DLGAP2: variants seen among roughly 807,000 people sequenced by gnomAD.
The protein encoded by DLGAP2 is DLG associated protein 2.
A neutral mutation model predicts 100.3 loss-of-function variants in DLGAP2; 26 were observed. The ratio of observed to expected loss-of-function variants is 0.26; its 90% CI spans 0.19 to 0.36. The LOEUF is 0.36. Ranked by LOEUF, DLGAP2 falls within the 10% of genes least tolerant of loss-of-function variation. The pLI, the probability that DLGAP2 is intolerant of heterozygous loss-of-function variation, is 1.00. For synonymous variants in DLGAP2, 886 were observed against 630.1 expected (o/e 1.41, Z -6.08); for missense variants, 1,858 against 1,453.2 (o/e 1.28, Z -4.53).
intron 2 of DLGAP2, among the ~76,000 whole-genome samples, chr8:1,189,999 C>G (rs1797598697): frequency 6.6e-6 from 1 of 152,106 alleles, no homozygotes. Context: ...AAAGGAGAAC[C>G]CCCGTTTTCT....
chr8:1,464,717 T>C (rs1280895317), intron 3 of DLGAP2, among the ~76,000 whole-genome samples: 1 of 152,194 alleles, frequency 6.6e-6, no homozygotes, highest in Non-Finnish European at 1.5e-5. Flanking sequence ...TTCTCCATGC[T>C]GAAAGTGACC....
At chr8:1,009,726 C>T (rs977879814) in intron 2 of DLGAP2, among the ~76,000 whole-genome samples, 23 of 152,286 alleles carry the variant, frequency 1.5e-4, no homozygotes, top group African/African-American at 3.9e-4. Flanking sequence ...TCACCTGCTG[C>T]GTGTGTAGAG....
At chr8:1,170,385 A>C (rs1797104193) in intron 2 of DLGAP2, among the ~76,000 whole-genome samples, 1 of 152,114 alleles carries the variant, frequency 6.6e-6, no homozygotes, top group Non-Finnish European at 1.5e-5. Context: ...TATCAGGATG[A>C]TGCTGGCCTC....
intron 4 of DLGAP2, among the ~76,000 whole-genome samples, chr8:1,517,191 C>A (rs898432952): frequency 1.4e-4 from 22 of 152,152 alleles, no homozygotes; most frequent in African/African-American, 5.3e-4. Context: ...TTCATTCTGT[C>A]TTTTGAAAGG....
At chr8:1,096,848 G>A (rs1195645421) in intron 2 of DLGAP2, among the ~76,000 whole-genome samples, 26 of 117,704 alleles carry the variant, frequency 2.2e-4, no homozygotes, top group South Asian at 6.0e-4. Flanking sequence ...CTGGGAGCCC[G>A]GGGCAGGCCT....
intron 1 of DLGAP2, among the ~76,000 whole-genome samples, chr8:882,174 C>T (rs1341666306): frequency 6.6e-6 from 1 of 152,238 alleles, no homozygotes; most frequent in Non-Finnish European, 1.5e-5. Flanking sequence ...TGAGACCCAG[C>T]TGAGGCCTGA....
intron 2 of DLGAP2, among the ~76,000 whole-genome samples, chr8:1,219,961 C>T (rs1798285001): frequency 6.6e-6 from 1 of 151,544 alleles, no homozygotes; most frequent in African/African-American, 2.4e-5. Flanking sequence ...CAGTAATATC[C>T]CCTTTGTCAT....
Position 960,940 on chromosome 8 carries a change from C to T in DLGAP2, c.73+52974C>T, listed in dbSNP as rs117571175. Among the ~76,000 whole-genome samples the T allele has an allele frequency of 1.8e-4, 28 of 152,256 alleles. No individual in the cohort carries two copies. The East Asian group carries it at 5.4e-3, about 29-fold the overall frequency. ...TCATAAGTCTGGAACTGTCTGTATG[C>T]CATTTATACAGTTATGATTCCAAAA... is the stretch of plus-strand genomic sequence containing the variant. On this transcript the variant is annotated intron_variant, in intron 2 of 14. Transcript: ENST00000637795.
chr8:1,620,139 T>C (rs1240876704), intron 6 of DLGAP2, among the ~76,000 whole-genome samples: 1 of 152,196 alleles, frequency 6.6e-6, no homozygotes, highest in African/African-American at 2.4e-5. Flanking sequence ...CATACTTCCA[T>C]TTTCTTACCT....
At chr8:1,005,037 T>C (rs1458715062) in intron 2 of DLGAP2, among the ~76,000 whole-genome samples, 2 of 152,158 alleles carry the variant, frequency 1.3e-5, no homozygotes, top group Non-Finnish European at 2.9e-5. Context: ...TGGAGGGCAA[T>C]GAGTGAAGAG....
chr8:1,237,263 T>A (rs1452898137), intron 2 of DLGAP2, among the ~76,000 whole-genome samples: 2 of 140,704 alleles, frequency 1.4e-5, no homozygotes, highest in Admixed American at 1.4e-4. Context: ...CATGGTGCTA[T>A]GTCTAGATCT....
intron 2 of DLGAP2, among the ~76,000 whole-genome samples, chr8:1,017,907 G>A (rs1034029979): frequency 1.3e-5 from 2 of 152,230 alleles, no homozygotes; most frequent in Non-Finnish European, 2.9e-5. Flanking sequence ...GAGAAAGTTT[G>A]ATTGGACACA....
At chr8:756,676 G>A (rs1056095835) in intron 1 of DLGAP2, among the ~76,000 whole-genome samples, 5 of 152,028 alleles carry the variant, frequency 3.3e-5, no homozygotes, top group African/African-American at 7.3e-5. Context: ...TCATAGATGC[G>A]GAAACTGAGG....
Position 1,626,204 on chromosome 8 carries a change from C to CTA in DLGAP2, c.1443-535_1443-534insAT, listed in dbSNP as rs1797492321. 2.0e-5 allele frequency among the ~76,000 whole-genome samples: 3 copies of CTA among 147,408 alleles called. No homozygotes were observed. The South Asian group carries it at 6.6e-4, about 32-fold the overall frequency. ...CTCTACCCTGTGGCGGGTGCTCAGC[C>CTA]TCTGGGTGTGGGTTGGACGGCTGTT... On this transcript the variant is annotated intron_variant, in intron 6 of 14. Transcript: ENST00000637795.
chr8:1,683,359 T>C (rs575127025), intron 12 of DLGAP2, among the ~76,000 whole-genome samples: 1 of 151,488 alleles, frequency 6.6e-6, no homozygotes, highest in African/African-American at 2.4e-5. Flanking sequence ...AGAGGCCCCT[T>C]TGTCTCCTTC....
chr8:1,701,088 G>A (rs1799553137), intron 14 of DLGAP2, 100 bp from the exon 15 acceptor site: 6 of 1,095,108 alleles, frequency 5.5e-6, no homozygotes, highest in Admixed American at 2.9e-5. Context: ...TGGGGGCTGC[G>A]GTCGGGAAGG....
intron 2 of DLGAP2, among the ~76,000 whole-genome samples, chr8:948,411 G>C (rs1799386861): frequency 6.6e-6 from 1 of 152,192 alleles, no homozygotes; most frequent in South Asian, 2.1e-4. Flanking sequence ...AGTGGGCGAA[G>C]CGGGCGACAG....
chr8:1,041,753 C>T (rs563865436), intron 2 of DLGAP2, among the ~76,000 whole-genome samples: 3 of 140,678 alleles, frequency 2.1e-5, no homozygotes, highest in South Asian at 2.5e-4. Flanking sequence ...GAGTGTTCTC[C>T]GAGCCCCTTG....
intron 3 of DLGAP2, among the ~76,000 whole-genome samples, chr8:1,409,456 G>T (rs527261815): frequency 6.6e-5 from 10 of 152,336 alleles, no homozygotes; most frequent in African/African-American, 1.9e-4. Flanking sequence ...AATGGGCTCA[G>T]TAAAGACTGA....
Sources: allele counts gnomAD v4.1 joint callset (sites outside exome capture counted in the v4.1 genomes callset), GRCh38; gene constraint gnomAD v4.1.1; transcripts MANE v1.5; gene names NCBI Gene and HGNC (gene_info 2026-07-23, HGNC 2026-07-21).